The following MCF2L variants were observed in gnomAD, a reference collection of about 807,000 sequenced individuals.
MCF2L encodes guanine nucleotide exchange factor DBS.
MCF2L carries 97 observed loss-of-function variants against 153.4 expected under a neutral mutation model. The observed-to-expected ratio is 0.63, with a 90% CI of 0.54 to 0.75. MCF2L has a LOEUF of 0.75. MCF2L is among the 30% of genes least tolerant of loss of function. MCF2L has a pLI of 0.00. For synonymous variants in MCF2L, 659 were observed against 632.2 expected (o/e 1.04, Z -0.64); for missense variants, 1,347 against 1,495.2 (o/e 0.90, Z 1.64).
chr13:113,060,261 T>G (rs1467881520), intron 4 of MCF2L, among the ~76,000 whole-genome samples: 3 of 152,192 alleles, frequency 2.0e-5, no homozygotes, highest in Non-Finnish European at 4.4e-5. Context: ...CAAGGTCACG[T>G]TCGGAGGCAC....
intron 4 of MCF2L, among the ~76,000 whole-genome samples, chr13:113,051,276 G>C (rs1057116500): frequency 1.1e-5 from 1 of 88,406 alleles, no homozygotes; most frequent in South Asian, 3.4e-4. Context: ...CGATGGGGTG[G>C]GGCGGCTCTG....
At chr13:112,964,390 C>G (rs34420454), upstream of MCF2L, among the ~76,000 whole-genome samples, 18,560 of 152,292 alleles carry the variant, frequency 0.12, 1,510 homozygotes, top group Non-Finnish European at 0.18. Flanking sequence ...ATGAACCCAT[C>G]ATGATGCTCC....
intron 1 of MCF2L, among the ~76,000 whole-genome samples, chr13:113,007,857 C>G (rs1260489850): frequency 6.6e-6 from 1 of 152,142 alleles, no homozygotes; most frequent in Non-Finnish European, 1.5e-5. Flanking sequence ...AGACCAAGAG[C>G]CGTCACGTGA....
chr13:113,025,917 T>C (rs1202348876), intron 3 of MCF2L, among the ~76,000 whole-genome samples: 5 of 90,534 alleles, frequency 5.5e-5, no homozygotes, highest in East Asian at 5.7e-4. Context: ...GGGGTCCCCG[T>C]GACTGTGGGT....
At position 112,904,678 on chromosome 13, in the gene MCF2L, C is replaced by T. The variant is rs1027981045; in HGVS notation, c.169+2307C>T. On this transcript the variant is annotated intron_variant, in intron 2 of 29. Coordinates refer to the MCF2L transcript ENST00000375608. This position sits in a 1 kb window ranked among gnomAD's most constrained non-coding sequence, Gnocchi z 4.2. ...AAGATAATCTGCTTAGAGTTCTGAG[C>T]GGTGAAGCCCTTCTGGCTGTCCTTG... Among the ~76,000 whole-genome samples, 28 of 152,338 alleles carry T rather than the reference C, an allele frequency of 1.8e-4. No individual in the cohort carries two copies. The highest frequency in any genetic ancestry group is 6.3e-4 in the African/African-American group (26 of 41,586).
At chr13:113,094,817 A>T in intron 27 of MCF2L, 182 bp downstream of exon 27, 1 of 1,037,298 alleles carries the variant, frequency 9.6e-7, no homozygotes, top group Non-Finnish European at 1.4e-6. Flanking sequence ...TCTCTCTGGA[A>T]GGTCCACCCA....
chr13:112,913,872 C>T (rs2081261745), intron 2 of MCF2L, among the ~76,000 whole-genome samples: 1 of 152,200 alleles, frequency 6.6e-6, no homozygotes, highest in African/African-American at 2.4e-5. Flanking sequence ...TCTGTCTTCT[C>T]AGCACTGCAG....
intron 4 of MCF2L, among the ~76,000 whole-genome samples, chr13:113,050,276 C>CCTTGAGTG: frequency 6.7e-6 from 1 of 149,392 alleles, no homozygotes; most frequent in Middle Eastern, 3.5e-3. Flanking sequence ...GTGTGTGAGA[C>CCTTGAGTG]TGTGAGTGTG....
intron 4 of MCF2L, among the ~76,000 whole-genome samples, chr13:113,058,072 C>T (rs181443158): frequency 0.015 from 1,345 of 88,788 alleles, 21 homozygotes; most frequent in African/African-American, 0.057. Flanking sequence ...CTGAGTGTTT[C>T]GGTGCTGTTT....
chr13:112,917,305 C>T (rs2081304080), intron 2 of MCF2L: 1 of 393,116 alleles, frequency 2.5e-6, no homozygotes, highest in South Asian at 1.9e-5. Flanking sequence ...CACTGCACCT[C>T]TCCGTCCAGT....
At chr13:113,008,551 T>G (rs1238469903) in intron 1 of MCF2L, among the ~76,000 whole-genome samples, 1 of 152,228 alleles carries the variant, frequency 6.6e-6, no homozygotes, top group Non-Finnish European at 1.5e-5. Flanking sequence ...CTATTTGAAG[T>G]GATGCTCTCT....
At chr13:113,095,463 G>T in intron 27 of MCF2L, 8 of 1,075,348 alleles carry the variant, frequency 7.4e-6, no homozygotes, top group Non-Finnish European at 9.0e-6. Context: ...GTGGAACAGG[G>T]TGCACGGGGC....
chr13:113,062,173 A>G (rs931504765), intron 5 of MCF2L, among the ~76,000 whole-genome samples: 1 of 151,870 alleles, frequency 6.6e-6, no homozygotes, highest in Non-Finnish European at 1.5e-5. Context: ...TCCATTCCCT[A>G]GAGACGACCA....
chr13:112,961,582 G>A (rs552451900), intron 2 of MCF2L, among the ~76,000 whole-genome samples: 12 of 152,346 alleles, frequency 7.9e-5, no homozygotes, highest in African/African-American at 2.9e-4. Context: ...CCAGGCCCAG[G>A]CCAGAGCCCA....
chr13:113,002,258 C>T (rs895317773), intron 1 of MCF2L, among the ~76,000 whole-genome samples: 17 of 152,226 alleles, frequency 1.1e-4, no homozygotes, highest in Non-Finnish European at 1.9e-4. Flanking sequence ...GCAGTGGGGC[C>T]GCCTCTGCCC....
intron 1 of MCF2L, among the ~76,000 whole-genome samples, chr13:112,975,360 C>G (rs2082178567): frequency 6.6e-6 from 1 of 152,242 alleles, no homozygotes; most frequent in Non-Finnish European, 1.5e-5. Context: ...AGGTTAAAAT[C>G]ACTGGTGCTG....
At chr13:113,096,022 C>A in intron 27 of MCF2L, 1 of 407,356 alleles carries the variant, frequency 2.5e-6, no homozygotes. Flanking sequence ...CAAGGAAGGC[C>A]TCAGCAAAGC....
chr13:113,065,173 T>A, intron 7 of MCF2L, 88 bp downstream of exon 7: 305 of 1,377,016 alleles, frequency 2.2e-4, no homozygotes, highest in Non-Finnish European at 2.9e-4. Context: ...CTGCGGGGGG[T>A]CTTTCGTCCC....
intron 3 of MCF2L, chr13:113,042,463 C>G (rs993273518): frequency 1.3e-5 from 2 of 152,228 alleles, no homozygotes; most frequent in South Asian, 2.1e-4. Context: ...AAAACGGATG[C>G]CTATTTGTGA....
Sources: allele counts gnomAD v4.1 joint callset (sites outside exome capture counted in the v4.1 genomes callset), GRCh38; gene constraint gnomAD v4.1.1; non-coding constraint Gnocchi (gnomAD v3.1); transcripts MANE v1.5; gene names NCBI Gene and HGNC (gene_info 2026-07-23, HGNC 2026-07-21).